The following DRP2 variants were observed in gnomAD, a reference collection of about 807,000 sequenced individuals.
DRP2 encodes the protein dystrophin related protein 2.
DRP2 carries 29 observed loss-of-function variants against 78.2 expected under a neutral mutation model. That is an observed-to-expected ratio of 0.37 (90% CI 0.28 to 0.51). DRP2 has a LOEUF of 0.51. Among genes scored for constraint, DRP2 ranks in the 20% least tolerant of loss-of-function variants. The pLI, the probability that DRP2 is intolerant of heterozygous loss-of-function variation, is 0.94. For synonymous variants in DRP2, 290 were observed against 281.9 expected (o/e 1.03, Z -0.29); for missense variants, 686 against 770.6 (o/e 0.89, Z 1.30).
Position 101,260,729 on chromosome X carries a change from CA to C in DRP2, c.*110del. ...CAGTTTCCACTGGCCCCACATTCCT[CA>C]ACTAGTATTATTTGGGCTCTGGGCA... On this transcript the variant is annotated 3_prime_UTR_variant, in exon 24 of 24. Coordinates refer to ENST00000395209, the MANE Select transcript of DRP2 (RefSeq NM_001939.3). 9.8e-7 allele frequency: 1 copy of C among 1,018,398 alleles called. No individual in the cohort carries two copies. Among genetic ancestry groups the C allele is most frequent in the Non-Finnish European group, 1.3e-6 (1 of 759,346 alleles). The allele number at this position is 1,018,398 out of a possible 1,213,427, so 83.9% of individuals were successfully genotyped here.
intron 5 of DRP2, 57 bp from the exon 6 acceptor site, chrX:101,238,924 A>C (rs1304833461): frequency 4.2e-6 from 5 of 1,179,607 alleles, no homozygotes; most frequent in Non-Finnish European, 4.6e-6. Flanking sequence ...GCAGGATGGA[A>C]TGTAAAGTGA....
At chrX:101,222,579 A>G (rs928676797) in intron 1 of DRP2, among the ~76,000 whole-genome samples, 3 of 112,397 alleles carry the variant, frequency 2.7e-5, no homozygotes, top group African/African-American at 9.7e-5. Context: ...TTAAGGAATA[A>G]TCCTTAAATT....
At position 101,263,540 on chromosome X, in the gene DRP2, T is replaced by C. The variant is rs1923634877; in HGVS notation, c.*2919T>C. On this transcript the variant is annotated 3_prime_UTR_variant, in exon 24 of 24. Transcript: ENST00000395209. ...AAAGCCATTACGAGGATACCTCTGC[T>C]TCCAGTGACAGCAGAGTGGATTCAC... is the stretch of plus-strand genomic sequence containing the variant. 2 of 112,295 alleles carry C rather than the reference T, an allele frequency of 1.8e-5. No homozygotes were observed. The highest frequency in any genetic ancestry group is 7.5e-4 in the South Asian group (2 of 2,669). 9.3% of individuals were successfully genotyped at this position (112,295 alleles called of 1,213,427 possible).
At chrX:101,225,694 C>A (rs748793019) in intron 2 of DRP2, among the ~76,000 whole-genome samples, 1 of 110,881 alleles carries the variant, frequency 9.0e-6, no homozygotes, top group Admixed American at 9.6e-5. Context: ...TGGTGGGGAG[C>A]GGAGAGGGGG....
chrX:101,228,101 G>T (rs1429369898), intron 2 of DRP2, among the ~76,000 whole-genome samples: 1 of 112,163 alleles, frequency 8.9e-6, no homozygotes, highest in African/African-American at 3.2e-5. Context: ...CTGGGAAACT[G>T]GCACTCTCAT....
At position 101,262,597 on chromosome X, in the gene DRP2, G is replaced by A. The variant is rs902808620; in HGVS notation, c.*1976G>A. On this transcript the variant is annotated 3_prime_UTR_variant, in exon 24 of 24. Transcript: ENST00000395209. ...GATCTGCTGCAGGGGAGGCAGGGCA[G>A]TGGCTTGGGTCCAGAAGCTTAGGGT... 1 of 111,384 alleles carries A rather than the reference G, an allele frequency of 9.0e-6. No homozygotes were observed. Among genetic ancestry groups the A allele is most frequent in the African/African-American group, 3.3e-5 (1 of 30,532 alleles). The allele number at this position is 111,384 out of a possible 1,213,427, so 9.2% of individuals were successfully genotyped here.
rs186962647 is a variant in DRP2 at position 101,226,060 on chromosome X, G to A, written c.-64+1354G>A. Among the ~76,000 whole-genome samples, 274 of 111,374 alleles carry A rather than the reference G, an allele frequency of 2.5e-3. 1 individual carries two copies. The highest frequency in any genetic ancestry group is 8.6e-3 in the African/African-American group (264 of 30,720). On this transcript the variant is annotated intron_variant, in intron 2 of 23. Coordinates refer to ENST00000395209, the MANE Select transcript of DRP2 (RefSeq NM_001939.3). ...CAAAGATATTTTTTTGCATCTATAA[G>A]CACATATTTTTAGTATACAAATGTA...
At position 101,241,657 on chromosome X, in the gene DRP2, T is replaced by G. The variant is rs769546610; in HGVS notation, c.560-11T>G. On this transcript the variant is annotated splice_polypyrimidine_tract_variant and intron_variant, in intron 6 of 23. Transcript: ENST00000395209. The stretch of plus-strand genomic sequence containing the variant: ...GGTTGGCCTAACCTGGCTTCCTGCC[T>G]CCTCTTGCAGATACCTCCCCGAAAC... The G allele has an allele frequency of 3.0e-5, 36 of 1,208,813 alleles. No individual in the cohort carries two copies. In the South Asian group the frequency reaches 6.0e-4, roughly 20 times the overall value.
At position 101,263,223 on chromosome X, in the gene DRP2, A is replaced by G. The variant is rs1923624634; in HGVS notation, c.*2602A>G. The G allele has an allele frequency of 8.9e-6, 1 of 111,975 alleles. No homozygotes were observed. The highest frequency in any genetic ancestry group is 3.7e-4 in the South Asian group (1 of 2,667). The allele number at this position is 111,975 out of a possible 1,213,427, so 9.2% of individuals were successfully genotyped here. Reference sequence around the variant, plus strand: ...TAAGGTAAATGGATCCTTGGGTACTATGAATCCAACTTGGGGTTGGATTTA... The same window carrying G: ...TAAGGTAAATGGATCCTTGGGTACTGTGAATCCAACTTGGGGTTGGATTTA... On this transcript the variant is annotated 3_prime_UTR_variant, in exon 24 of 24. Transcript: ENST00000395209.
At chrX:101,250,273 G>T in intron 14 of DRP2, 150 bp from the exon 15 acceptor site, 2 of 723,850 alleles carry the variant, frequency 2.8e-6, no homozygotes, top group Non-Finnish European at 4.0e-6. Flanking sequence ...GCTACTAGAA[G>T]GTCAGGGATA....
At chrX:101,227,774 C>A (rs1171254178) in intron 2 of DRP2, among the ~76,000 whole-genome samples, 2 of 111,944 alleles carry the variant, frequency 1.8e-5, no homozygotes, top group African/African-American at 3.2e-5. Context: ...AAATCTATTC[C>A]TTTTCTGCCT....
At chrX:101,222,489 T>G (rs763266535) in intron 1 of DRP2, among the ~76,000 whole-genome samples, 1 of 111,962 alleles carries the variant, frequency 8.9e-6, no homozygotes, top group Non-Finnish European at 1.9e-5. Context: ...ATCTCCTGAT[T>G]CCCCAGCCCA....
intron 1 of DRP2, among the ~76,000 whole-genome samples, chrX:101,222,691 A>G (rs767572319): frequency 1.8e-5 from 2 of 112,772 alleles, no homozygotes; most frequent in African/African-American, 3.2e-5. Context: ...ATTCTTTTAA[A>G]CAATGTGTTA....
In DRP2 at chrX:101,254,488, CATT is replaced by C; in HGVS notation, c.2045_2047del (p.Tyr682del). 8.3e-7 allele frequency: 1 copy of C among 1,211,976 alleles called. No individual in the cohort carries two copies. The highest frequency in any genetic ancestry group is 1.1e-6 in the Non-Finnish European group (1 of 895,561). ...CTTAAAGAACAAATTCCGCTCCAAGCATTATTTCAGCAAACACCCTCAGCGAGG... is the reference window on the plus strand; with the variant it reads ...CTTAAAGAACAAATTCCGCTCCAAGCATTTCAGCAAACACCCTCAGCGAGG... On this transcript the variant is annotated inframe_deletion, in exon 18 of 24. Coordinates refer to ENST00000395209, the MANE Select transcript of DRP2 (RefSeq NM_001939.3).
chrX:101,244,385 G>T (rs1200857852), intron 9 of DRP2, among the ~76,000 whole-genome samples: 1 of 112,030 alleles, frequency 8.9e-6, no homozygotes, highest in African/African-American at 3.2e-5. Flanking sequence ...GGTTAAAATT[G>T]TTGCTATTAT....
chrX:101,222,638 A>T (rs1921933705), intron 1 of DRP2, among the ~76,000 whole-genome samples: 1 of 112,778 alleles, frequency 8.9e-6, no homozygotes. Context: ...ATTTTGCTAT[A>T]TGCAAAAATT....
At chrX:101,259,936 T>C (rs749894869) in intron 22 of DRP2, 113 bp from the exon 23 acceptor site, 196 of 997,434 alleles carry the variant, frequency 2.0e-4, no homozygotes, top group Non-Finnish European at 2.5e-4. Flanking sequence ...CTTCTTAAAG[T>C]CTAAGGGTAA....
chrX:101,243,124 T>C, intron 9 of DRP2, 142 bp downstream of exon 9: 1 of 500,870 alleles, frequency 2.0e-6, no homozygotes, highest in Non-Finnish European at 3.2e-6. Context: ...TGTGGTATAG[T>C]GGTTAAAAGA....
rs772172309 is a variant in DRP2, at chrX:101,224,926, A to T, written c.-64+220A>T. On this transcript the variant is annotated intron_variant, in intron 2 of 23. Coordinates refer to ENST00000395209, the MANE Select transcript of DRP2 (RefSeq NM_001939.3). ...ATTTGAGTGAATGCAGATTTTTGCTATTGCAAACAATACTGCAGCAAACAT... is the reference window on the plus strand; with the variant it reads ...ATTTGAGTGAATGCAGATTTTTGCTTTTGCAAACAATACTGCAGCAAACAT... Among the ~76,000 whole-genome samples the T allele has an allele frequency of 2.9e-4, 33 of 112,490 alleles. 1 individual carries two copies. Among genetic ancestry groups the T allele is most frequent in the South Asian group, 1.1e-3 (3 of 2,667 alleles).
Sources: allele counts gnomAD v4.1 joint callset (sites outside exome capture counted in the v4.1 genomes callset), GRCh38; gene constraint gnomAD v4.1.1; transcripts MANE v1.5; gene names NCBI Gene and HGNC (gene_info 2026-07-23, HGNC 2026-07-21).